The following OS9 variants were observed in gnomAD, a reference collection of about 807,000 sequenced individuals.
The protein encoded by OS9 is OS9 endoplasmic reticulum lectin.
Under a neutral mutation model 84.7 loss-of-function variants are expected in OS9, and 58 were observed. The observed-to-expected ratio is 0.68, with a 90% CI of 0.55 to 0.85. The LOEUF (loss-of-function observed/expected upper bound fraction) is 0.85. Ranked by LOEUF, OS9 falls within the 40% of genes least tolerant of loss-of-function variation. OS9 has a pLI of 0.00. For missense variants in OS9, 760 were observed against 850.9 expected (o/e 0.89, Z 1.33); for synonymous variants, 278 against 320.8 (o/e 0.87, Z 1.43).
rs763260031 is a variant in OS9 at position 57,694,934 on chromosome 12, G to A, written c.339+8G>A. 45 of 1,613,406 alleles carry A rather than the reference G, an allele frequency of 2.8e-5. No homozygotes were observed. Among genetic ancestry groups the A allele is most frequent in the Non-Finnish European group, 3.4e-5 (40 of 1,179,498 alleles). ...GCTCCCTGCTTGCTGAAGGTGAAAG[G>A]GACTGGGTTAGATAGAATGAGGGCT... On this transcript the variant is annotated splice_region_variant and intron_variant, in intron 2 of 14. Coordinates refer to ENST00000315970, the MANE Select transcript of OS9 (RefSeq NM_006812.4).
chr12:57,701,159 G>C (rs763255918), intron 5 of OS9, among the ~76,000 whole-genome samples: 3 of 150,536 alleles, frequency 2.0e-5, no homozygotes, highest in Non-Finnish European at 2.9e-5. Flanking sequence ...ACAATAGATA[G>C]TGTTTTGTGT....
chr12:57,698,653 G>A (rs371676056), intron 5 of OS9, among the ~76,000 whole-genome samples: 7 of 152,326 alleles, frequency 4.6e-5, no homozygotes, highest in African/African-American at 1.7e-4. Context: ...AGAGGATGGT[G>A]GGGGGAATGA....
Position 57,718,275 on chromosome 12 carries a change from G to A in OS9, c.1264G>A (p.Asp422Asn). The A allele has an allele frequency of 6.2e-7, 1 of 1,612,766 alleles. No individual in the cohort carries two copies. Among genetic ancestry groups the A allele is most frequent in the Non-Finnish European group, 8.5e-7 (1 of 1,178,738 alleles). Reference protein sequence around the residue: ...EMEEEEDEDEDEDEDEDERQL... With the variant: ...EMEEEEDEDENEDEDEDERQL... ...GGAAGAAGAGGAGGATGAGGATGAG[G>A]ATGAGGATGAAGATGAGGATGAACG... The change falls in exon 11 of 15, where the codon GAT becomes AAT. Residue 422 changes from aspartate (D) to asparagine (N), a missense_variant. Coordinates refer to ENST00000315970, the MANE Select transcript of OS9 (RefSeq NM_006812.4).
Position 57,720,388 on chromosome 12 carries a change from C to T in OS9, c.1766-18C>T, listed in dbSNP as rs1377665390. ...TCCCAACCATCCTCTCCTCTCACTG[C>T]ATACTGCTCCTTTCCAGGGAAAATT... is the stretch of plus-strand genomic sequence containing the variant. On this transcript the variant is annotated intron_variant, in intron 13 of 14. Coordinates refer to ENST00000315970, the MANE Select transcript of OS9 (RefSeq NM_006812.4). The T allele has an allele frequency of 6.2e-7, 1 of 1,603,020 alleles. No homozygotes were observed. The highest frequency in any genetic ancestry group is 8.5e-7 in the Non-Finnish European group (1 of 1,169,876).
At position 57,715,884 on chromosome 12, in the gene OS9, C is replaced by T. The variant is rs1256759686; in HGVS notation, c.704C>T (p.Pro235Leu). The change falls in exon 6 of 15, where the codon CCC becomes CTC. Residue 235 changes from proline to leucine, a missense_variant. Coordinates refer to ENST00000315970, the MANE Select transcript of OS9 (RefSeq NM_006812.4). The part of the protein sequence containing the change: ...PRLCPHPLLR[P>L]PPSAAPQAIL... ...CTCTGCCCCCACCCTCTCCTCCGGC[C>T]CCCACCCAGTGCTGCACCGCAGGCC... The T allele has an allele frequency of 6.2e-7, 1 of 1,613,646 alleles. No individual in the cohort carries two copies.
chr12:57,696,464 G>T lies in OS9; in HGVS notation c.579+91G>T, dbSNP rs1031087385. 37 of 430,142 alleles carry T rather than the reference G, an allele frequency of 8.6e-5. 3 individuals are homozygous for T. The highest frequency in any genetic ancestry group is 6.9e-4 in the South Asian group (24 of 34,678). 26.6% of individuals were successfully genotyped at this position (430,142 alleles called of 1,614,324 possible). A position where few individuals can be genotyped will look rare whatever the true frequency, so the allele number is the denominator to read the frequency against. ...TGCATCTTATAGTCGGGGCGGGGGC[G>T]GGGGGGGTCCCCTCCCAGACCCTAA... On this transcript the variant is annotated intron_variant, in intron 5 of 14. Transcript: ENST00000315970.
chr12:57,709,239 T>C (rs1226319575), intron 5 of OS9, among the ~76,000 whole-genome samples: 5 of 152,210 alleles, frequency 3.3e-5, no homozygotes, highest in Non-Finnish European at 1.5e-5. Flanking sequence ...GCAAATATTT[T>C]TATAACTTCT....
intron 5 of OS9, among the ~76,000 whole-genome samples, chr12:57,697,804 C>T (rs561701618): frequency 4.6e-5 from 7 of 151,366 alleles, no homozygotes; most frequent in Admixed American, 2.0e-4. Context: ...ATGATTGGCC[C>T]CATCCCCTCA....
intron 5 of OS9, among the ~76,000 whole-genome samples, chr12:57,705,242 T>C (rs1954132564): frequency 6.6e-6 from 1 of 152,198 alleles, no homozygotes; most frequent in Non-Finnish European, 1.5e-5. Flanking sequence ...TTAAAACTCC[T>C]TTTGGGGATT....
chr12:57,705,424 C>A (rs1000308820), intron 5 of OS9, among the ~76,000 whole-genome samples: 26 of 151,906 alleles, frequency 1.7e-4, no homozygotes, highest in Admixed American at 1.7e-3. Context: ...AGTCTAGATA[C>A]CTTATAGTTT....
At chr12:57,704,624 C>T (rs1031360229) in intron 5 of OS9, among the ~76,000 whole-genome samples, 1 of 152,114 alleles carries the variant, frequency 6.6e-6, no homozygotes, top group Non-Finnish European at 1.5e-5. Context: ...ATGCCAGCCT[C>T]ACAGAATAAG....
chr12:57,718,293 G>T lies in OS9; in HGVS notation c.1282G>T (p.Asp428Tyr). 6.2e-7 allele frequency: 1 copy of T among 1,614,118 alleles called. No individual in the cohort carries two copies. The highest frequency in any genetic ancestry group is 1.3e-5 in the African/African-American group (1 of 75,042). ...GGATGAGGATGAGGATGAAGATGAG[G>T]ATGAACGGCAGTTACTGGGAGAATT... The part of the protein sequence containing the change: ...DEDEDEDEDE[D>Y]ERQLLGEFEK... Residue 428 changes from aspartate (D) to tyrosine (Y), a missense_variant, in exon 11 of 15, where the codon GAT (aspartate) becomes TAT (tyrosine). Coordinates refer to ENST00000315970, the MANE Select transcript of OS9 (RefSeq NM_006812.4).
chr12:57,697,913 ACACACACACATAC>A lies in OS9; in HGVS notation c.579+1541_579+1553del, dbSNP rs1953903019. On this transcript the variant is annotated intron_variant, in intron 5 of 14. Transcript: ENST00000315970. ...CACGGAACCTAACATAAGCAAACAC[ACACACACACATAC>A]ACACACACACACACACACACACACA... 2.9e-4 allele frequency among the ~76,000 whole-genome samples: 36 copies of A among 124,540 alleles called. 1 individual carries two copies. Among genetic ancestry groups the A allele is most frequent in the Admixed American group, 6.3e-4 (8 of 12,630 alleles). 81.7% of individuals were successfully genotyped at this position (124,540 alleles called of 152,430 possible).
intron 5 of OS9, among the ~76,000 whole-genome samples, chr12:57,699,769 T>C (rs1179217426): frequency 1.3e-5 from 2 of 152,072 alleles, no homozygotes; most frequent in South Asian, 2.1e-4. Flanking sequence ...TTGAGCAGAG[T>C]TGTGAAGATG....
At chr12:57,711,860 G>T (rs1249664854) in intron 5 of OS9, among the ~76,000 whole-genome samples, 2 of 152,196 alleles carry the variant, frequency 1.3e-5, no homozygotes, top group African/African-American at 4.8e-5. Flanking sequence ...AGGCTGAGGA[G>T]AGAGGATCAC....
chr12:57,716,425 C>T lies in OS9; in HGVS notation c.906C>T (p.Thr302=), dbSNP rs1328688053. The change falls in exon 8 of 15, where the codon ACC becomes ACT. Residue 302 remains threonine, a synonymous_variant. Coordinates refer to ENST00000315970, the MANE Select transcript of OS9 (RefSeq NM_006812.4). The stretch of plus-strand genomic sequence containing the variant: ...TCTGTACCCTAGGTGCGAGCCCGAC[C>T]AAGGATGACAGTAAGGACTCAGATT... ...APQKMAGASP[T]KDDSKDSDFW... 1.3e-6 allele frequency: 2 copies of T among 1,558,782 alleles called. No individual in the cohort carries two copies. Among genetic ancestry groups the T allele is most frequent in the East Asian group, 4.8e-5 (2 of 41,944 alleles).
At chr12:57,699,154 A>G (rs1953948912) in intron 5 of OS9, among the ~76,000 whole-genome samples, 1 of 152,236 alleles carries the variant, frequency 6.6e-6, no homozygotes, top group Non-Finnish European at 1.5e-5. Flanking sequence ...TGAGATAGGT[A>G]TAATGAGAAG....
Position 57,696,014 on chromosome 12 carries a change from C to T in OS9, c.456C>T (p.Phe152=), listed in dbSNP as rs1398071125. 9.9e-6 allele frequency: 16 copies of T among 1,613,156 alleles called. No homozygotes were observed. The highest frequency in any genetic ancestry group is 1.1e-5 in the Non-Finnish European group (13 of 1,179,262). The part of the protein sequence containing the change: ...VLYLGYYQSA[F]DWDDETAKAS... ...ATCTCGGCTACTACCAATCAGCCTT[C>T]GACTGGGATGATGAAACAGCCAAGG... Residue 152 remains phenylalanine (F), a synonymous_variant, in exon 4 of 15, where the codon TTC becomes TTT. Coordinates refer to ENST00000315970, the MANE Select transcript of OS9 (RefSeq NM_006812.4).
Position 57,721,051 on chromosome 12 carries a change from G to C in OS9, c.*142G>C, listed in dbSNP as rs1565785345. On this transcript the variant is annotated 3_prime_UTR_variant, in exon 15 of 15. Coordinates refer to ENST00000315970, the MANE Select transcript of OS9 (RefSeq NM_006812.4). ...TGTGGACCTCTCGGGCAACTCTGTG[G>C]GTGTGGGGGCCCTGGGTGAATGCTG... The C allele has an allele frequency of 3.2e-6, 3 of 925,836 alleles. No homozygotes were observed. The African/African-American group carries it at 4.9e-5, about 15-fold the overall frequency. 57.4% of individuals were successfully genotyped at this position (925,836 alleles called of 1,614,324 possible).
Sources: gnomAD v4.1 joint callset for allele counts (sites outside exome capture counted in the v4.1 genomes callset) on GRCh38, gnomAD v4.1.1 for gene constraint, MANE v1.5 for transcripts, NCBI Gene and HGNC (gene_info 2026-07-23, HGNC 2026-07-21) for gene names.